SNX29: variants seen among roughly 807,000 people sequenced by gnomAD.
The protein encoded by SNX29 is sorting nexin-29.
In SNX29, 78 loss-of-function variants were observed where a neutral mutation model predicts 102.1. The ratio of observed to expected loss-of-function variants is 0.76; its 90% CI spans 0.64 to 0.92. The LOEUF is 0.92. Ranked by LOEUF, SNX29 falls within the 40% of genes least tolerant of loss-of-function variation. The pLI is 0.00. For missense variants in SNX29, 1,280 were observed against 1,061.7 expected (o/e 1.21, Z -2.86); for synonymous variants, 580 against 414.5 (o/e 1.40, Z -4.85).
At chr16:12,249,222 C>T (rs1051727344) in intron 14 of SNX29, among the ~76,000 whole-genome samples, 9 of 152,114 alleles carry the variant, frequency 5.9e-5, no homozygotes, top group Admixed American at 3.9e-4. Flanking sequence ...ATTGGAAGGG[C>T]CTGGGCCAAC....
At chr16:12,546,460 CCATCACATTCACTGTCAGAAGAA>C (rs2077611411) in intron 20 of SNX29, 1 of 152,134 alleles carries the variant, frequency 6.6e-6, no homozygotes, top group South Asian at 2.1e-4. Flanking sequence ...CCTTATGAAA[CCATCACATTCACTGTCAGAAGAA>C]CAGCACAGGA....
In SNX29 at chr16:12,401,763, A is replaced by G. The variant is rs187675728; in HGVS notation, c.1956-1685A>G. ...CTGCTTCTTTTATTGCTCTATCTCC[A>G]GTACCCAGAGTAGTGGCTTCTCAGT... is the stretch of plus-strand genomic sequence containing the variant. On this transcript the variant is annotated intron_variant, in intron 17 of 20. Transcript: ENST00000566228. 2.8e-4 allele frequency among the ~76,000 whole-genome samples: 42 copies of G among 152,328 alleles called. 1 individual carries two copies. The highest frequency in any genetic ancestry group is 2.2e-3 in the Admixed American group (34 of 15,304).
intron 11 of SNX29, among the ~76,000 whole-genome samples, chr16:12,119,217 G>A (rs1220369677): frequency 6.6e-6 from 1 of 152,142 alleles, no homozygotes; most frequent in Non-Finnish European, 1.5e-5. Context: ...CTCCTTAGCC[G>A]GGGTCCTCTC....
chr16:12,430,532 C>G (rs929556197), intron 18 of SNX29, among the ~76,000 whole-genome samples: 1 of 152,354 alleles, frequency 6.6e-6, no homozygotes, highest in Admixed American at 6.5e-5. Context: ...GTTAACATTC[C>G]TAACCTCAGT....
At chr16:12,415,084 G>A (rs979703845) in intron 18 of SNX29, among the ~76,000 whole-genome samples, 4 of 152,196 alleles carry the variant, frequency 2.6e-5, no homozygotes, top group African/African-American at 9.7e-5. Context: ...TCCATGGCAG[G>A]CCCCAGAACA....
chr16:12,077,783 G>A (rs1300395502), intron 10 of SNX29, among the ~76,000 whole-genome samples: 3 of 152,092 alleles, frequency 2.0e-5, no homozygotes, highest in African/African-American at 7.2e-5. Flanking sequence ...ACCACACCCA[G>A]ATAATTTTTG....
chr16:12,408,487 A>G (rs528984825), intron 18 of SNX29, among the ~76,000 whole-genome samples: 2 of 152,240 alleles, frequency 1.3e-5, no homozygotes, highest in Admixed American at 6.5e-5. Context: ...TTGTTTGAGC[A>G]ATGTCAGGGT....
At position 12,258,484 on chromosome 16, in the gene SNX29, C is replaced by G. The variant is rs775238562; in HGVS notation, c.1679-19449C>G. 1.9e-4 allele frequency among the ~76,000 whole-genome samples: 29 copies of G among 152,174 alleles called. 1 individual carries two copies. Among genetic ancestry groups the G allele is most frequent in the Admixed American group, 1.2e-3 (18 of 15,288 alleles). On this transcript the variant is annotated intron_variant, in intron 14 of 20. Transcript: ENST00000566228. ...TGCAGGAGCTCTCCTGAGGCACCCTCTCCAGTGTATGTTTTGCATAGAAAT... is the reference window on the plus strand; with the variant it reads ...TGCAGGAGCTCTCCTGAGGCACCCTGTCCAGTGTATGTTTTGCATAGAAAT...
intron 11 of SNX29, among the ~76,000 whole-genome samples, chr16:12,091,049 G>GAA (rs2052514698): frequency 1.7e-5 from 2 of 120,744 alleles, no homozygotes; most frequent in Non-Finnish European, 3.4e-5. Flanking sequence ...GAAAGAAAAA[G>GAA]AAAAAAGAGC....
intron 15 of SNX29, among the ~76,000 whole-genome samples, chr16:12,291,401 G>T (rs937652606): frequency 6.6e-6 from 1 of 152,138 alleles, no homozygotes. Context: ...TCACTGTCAC[G>T]AGAACAGCAC....
chr16:12,093,784 C>A (rs1265012231), intron 11 of SNX29: 1 of 152,156 alleles, frequency 6.6e-6, no homozygotes, highest in African/African-American at 2.4e-5. Context: ...ATTTCAGATA[C>A]CTCTTGCAAT....
At chr16:12,502,002 C>G (rs536095463) in intron 19 of SNX29, among the ~76,000 whole-genome samples, 1 of 152,274 alleles carries the variant, frequency 6.6e-6, no homozygotes, top group African/African-American at 2.4e-5. Flanking sequence ...GACCTTCTCT[C>G]TCTGACTCAT....
chr16:12,139,230 A>G (rs1040086857), intron 13 of SNX29, among the ~76,000 whole-genome samples: 4 of 141,046 alleles, frequency 2.8e-5, no homozygotes, highest in African/African-American at 5.3e-5. Context: ...AAAGGGAGGA[A>G]GGCTTTGTGC....
chr16:12,571,806 A>C lies in SNX29; in HGVS notation c.*3177A>C. On this transcript the variant is annotated 3_prime_UTR_variant, in exon 21 of 21. Transcript: ENST00000566228. ...GCCACTCTTCCTGCAATCAGTGTGA[A>C]ATTCCAGCTTCTTTGATTCCCACTT... 1.9e-6 allele frequency: 2 copies of C among 1,029,704 alleles called. No individual in the cohort carries two copies. Among genetic ancestry groups the C allele is most frequent in the Non-Finnish European group, 2.4e-6 (2 of 848,052 alleles). The allele number at this position is 1,029,704 out of a possible 1,614,324, so 63.8% of individuals were successfully genotyped here.
At chr16:12,049,209 C>T (rs536364758) in intron 7 of SNX29, among the ~76,000 whole-genome samples, 3 of 152,232 alleles carry the variant, frequency 2.0e-5, no homozygotes, top group African/African-American at 7.2e-5. Context: ...TTGATTCAGG[C>T]CGGTCGTGGT....
At chr16:12,196,928 A>AT (rs1384717115) in intron 13 of SNX29, among the ~76,000 whole-genome samples, 2 of 151,980 alleles carry the variant, frequency 1.3e-5, no homozygotes, top group African/African-American at 4.8e-5. Flanking sequence ...GCCAGGTGTG[A>AT]TTTTTAGGTG....
Position 12,569,729 on chromosome 16 carries a change from GC to G in SNX29, c.*1105del. 4.3e-6 allele frequency: 1 copy of G among 230,490 alleles called. No homozygotes were observed. Among genetic ancestry groups the G allele is most frequent in the Non-Finnish European group, 8.6e-6 (1 of 116,334 alleles). 14.3% of individuals were successfully genotyped at this position (230,490 alleles called of 1,614,324 possible). ...GAGGATGGGGACCAGCAGCTGGGCA[GC>G]CCCCAGGGCTCCTCCTCCAGTGAGC... On this transcript the variant is annotated 3_prime_UTR_variant, in exon 21 of 21. Transcript: ENST00000566228.
intron 16 of SNX29, among the ~76,000 whole-genome samples, chr16:12,362,549 G>GCACCCC (rs796831250): frequency 5.0e-5 from 3 of 59,620 alleles, no homozygotes; most frequent in African/African-American, 1.4e-4. Flanking sequence ...TTTGGCTGCT[G>GCACCCC]CACTCCCCCC....
intron 14 of SNX29, among the ~76,000 whole-genome samples, chr16:12,210,904 C>T (rs1294665582): frequency 2.0e-5 from 3 of 152,172 alleles, no homozygotes; most frequent in Non-Finnish European, 1.5e-5. Context: ...CTCATCGTTG[C>T]TCTCCCCACT....
Sources: allele counts gnomAD v4.1 joint callset (sites outside exome capture counted in the v4.1 genomes callset), GRCh38; gene constraint gnomAD v4.1.1; transcripts MANE v1.5; gene names NCBI Gene and HGNC (gene_info 2026-07-23, HGNC 2026-07-21).